The following PRMT3 variants were observed in gnomAD, a reference collection of about 807,000 sequenced individuals.
The protein encoded by PRMT3 is protein arginine methyltransferase 3.
Under a neutral mutation model 71.9 loss-of-function variants are expected in PRMT3, and 62 were observed. That is an observed-to-expected ratio of 0.86 (90% confidence interval 0.70 to 1.07). The LOEUF is 1.07. Among genes scored for constraint, PRMT3 ranks in the 50% least tolerant of loss-of-function variants. The probability of loss-of-function intolerance (pLI) is 0.00; values close to 1 mark genes in which losing one functional copy is unlikely to be tolerated. For missense variants in PRMT3, 663 were observed against 643.0 expected (o/e 1.03, Z -0.34); for synonymous variants, 213 against 220.4 (o/e 0.97, Z 0.30).
chr11:20,388,993 A>ATATATC (rs1175717776), intron 2 of PRMT3, among the ~76,000 whole-genome samples: 1 of 152,214 alleles, frequency 6.6e-6, no homozygotes, highest in Admixed American at 6.5e-5. Flanking sequence ...GGTAGATAGA[A>ATATATC]TGCCTGTATA....
intron 10 of PRMT3, among the ~76,000 whole-genome samples, chr11:20,441,546 A>G (rs577567724): frequency 2.6e-5 from 4 of 151,648 alleles, no homozygotes; most frequent in African/African-American, 9.7e-5. Context: ...TGACCTCGTG[A>G]TCCACCAGCC....
chr11:20,433,905 C>A (rs574171662), intron 10 of PRMT3, among the ~76,000 whole-genome samples: 1 of 152,178 alleles, frequency 6.6e-6, no homozygotes, highest in Non-Finnish European at 1.5e-5. Context: ...TAGGCGTGCA[C>A]CACCACACCT....
chr11:20,502,574 G>T (rs1851483222), intron 15 of PRMT3, among the ~76,000 whole-genome samples: 2 of 152,000 alleles, frequency 1.3e-5, no homozygotes, highest in African/African-American at 4.8e-5. Context: ...AATTCATTTT[G>T]ACTGGGGTTT....
chr11:20,453,822 G>A (rs1344606936), intron 11 of PRMT3, among the ~76,000 whole-genome samples: 1 of 151,948 alleles, frequency 6.6e-6, no homozygotes, highest in Admixed American at 6.6e-5. Context: ...GGGGGGTTTC[G>A]GAGTACAGTC....
chr11:20,462,411 A>G (rs1183931632), intron 12 of PRMT3, among the ~76,000 whole-genome samples: 1 of 152,122 alleles, frequency 6.6e-6, no homozygotes, highest in African/African-American at 2.4e-5. Flanking sequence ...CTAACTCTGA[A>G]CCGGTTGAAT....
chr11:20,390,219 T>G (rs1848683252), intron 3 of PRMT3, among the ~76,000 whole-genome samples: 1 of 152,188 alleles, frequency 6.6e-6, no homozygotes, highest in South Asian at 2.1e-4. Flanking sequence ...CTGTACGAGT[T>G]TAATATGGCG....
rs979222980 is a variant in PRMT3, at chr11:20,397,797, C to T, written c.705+76C>T. On this transcript the variant is annotated intron_variant, in intron 7 of 15. Coordinates refer to ENST00000331079, the MANE Select transcript of PRMT3 (RefSeq NM_005788.4). Reference sequence around the variant, plus strand: ...CAGGTTCTTTCTTAATATATGTGTGCACTATAGGAGACCTCTTTTTTTTGG... The same window carrying T: ...CAGGTTCTTTCTTAATATATGTGTGTACTATAGGAGACCTCTTTTTTTTGG... The T allele has an allele frequency of 1.3e-5, 19 of 1,489,058 alleles. No individual in the cohort carries two copies. In the African/African-American group the frequency reaches 2.4e-4, roughly 19 times the overall value. 92.2% of individuals were successfully genotyped at this position (1,489,058 alleles called of 1,614,324 possible).
At chr11:20,497,471 A>G (rs1193408157) in intron 15 of PRMT3, among the ~76,000 whole-genome samples, 1 of 150,874 alleles carries the variant, frequency 6.6e-6, no homozygotes, top group Non-Finnish European at 1.5e-5. Context: ...CAGTTGGAAA[A>G]ATAGTCATTT....
chr11:20,409,407 G>C (rs181476167), intron 9 of PRMT3, among the ~76,000 whole-genome samples: 1 of 152,100 alleles, frequency 6.6e-6, no homozygotes, highest in Non-Finnish European at 1.5e-5. Context: ...TAAATAATAC[G>C]TATATATAAA....
chr11:20,408,729 G>T (rs74622078), intron 9 of PRMT3, among the ~76,000 whole-genome samples: 4,362 of 152,244 alleles, frequency 0.029, 217 homozygotes, highest in African/African-American at 0.098. Context: ...CAGAATATGT[G>T]ATTAATAGGA....
chr11:20,462,114 G>A lies in PRMT3; in HGVS notation c.1207G>A (p.Val403Ile), dbSNP rs775743161. Residue 403 changes from valine (V) to isoleucine (I), a missense_variant, in exon 12 of 16, where the codon GTT becomes ATT. Coordinates refer to ENST00000331079, the MANE Select transcript of PRMT3 (RefSeq NM_005788.4). ...CMKKAVIPEA[V>I]VEVLDPKTLI... ...GAAGAAAGCAGTTATTCCAGAAGCT[G>A]TTGTGGAAGTTTTAGATCCGAAGAC... The A allele has an allele frequency of 6.4e-5, 104 of 1,612,978 alleles. No individual in the cohort carries two copies. In the Admixed American group the frequency reaches 1.7e-3, roughly 27 times the overall value.
chr11:20,388,718 T>C (rs914390804), intron 2 of PRMT3, among the ~76,000 whole-genome samples: 1 of 152,246 alleles, frequency 6.6e-6, no homozygotes, highest in African/African-American at 2.4e-5. Flanking sequence ...AGTAGGACTT[T>C]TCACTTAAGG....
chr11:20,389,137 G>C (rs1209530249), intron 2 of PRMT3, among the ~76,000 whole-genome samples: 4 of 152,206 alleles, frequency 2.6e-5, no homozygotes, highest in African/African-American at 9.7e-5. Flanking sequence ...TAGGAATATA[G>C]ATAAGGTATA....
At chr11:20,450,877 T>C (rs536943119) in intron 10 of PRMT3, among the ~76,000 whole-genome samples, 4 of 152,342 alleles carry the variant, frequency 2.6e-5, no homozygotes, top group African/African-American at 7.2e-5. Context: ...TGATCATTTA[T>C]TTGTGAACAA....
rs965484710 is a variant in PRMT3, at chr11:20,387,904, C to A, written c.29-115C>A. On this transcript the variant is annotated intron_variant, in intron 1 of 15. Coordinates refer to ENST00000331079, the MANE Select transcript of PRMT3 (RefSeq NM_005788.4). The surrounding 1 kb of genome is among the most constrained non-coding windows in gnomAD (Gnocchi z 4.3). ...GCTCGCAGGGATCATGAAGGAGGTG[C>A]TGAGTGAGGGCCGCGGGCGAACGGG... 72 of 1,558,656 alleles carry A rather than the reference C, an allele frequency of 4.6e-5. No individual in the cohort carries two copies. In the Middle Eastern group the frequency reaches 5.1e-4, roughly 11 times the overall value.
rs1206922686 is a variant in PRMT3 at position 20,494,391 on chromosome 11, A to G, written c.1486+137A>G. Reference sequence around the variant, plus strand: ...TCTCGCTGTCTCACCCAGGCTGGAGAACAGTGATCTCGGCTCACTGCAACC... The same window carrying G: ...TCTCGCTGTCTCACCCAGGCTGGAGGACAGTGATCTCGGCTCACTGCAACC... On this transcript the variant is annotated intron_variant, in intron 15 of 15. Transcript: ENST00000331079. 6.6e-6 allele frequency: 5 copies of G among 754,710 alleles called. No individual in the cohort carries two copies. In the African/African-American group the frequency reaches 8.9e-5, roughly 13 times the overall value. 46.8% of individuals were successfully genotyped at this position (754,710 alleles called of 1,614,324 possible).
At chr11:20,434,036 C>T (rs1425247460) in intron 10 of PRMT3, among the ~76,000 whole-genome samples, 3 of 152,070 alleles carry the variant, frequency 2.0e-5, no homozygotes, top group Admixed American at 6.6e-5. Context: ...CTTGCCAGCA[C>T]CGTTATTTTT....
intron 10 of PRMT3, among the ~76,000 whole-genome samples, chr11:20,441,958 A>C (rs1027995095): frequency 2.6e-5 from 4 of 151,510 alleles, no homozygotes; most frequent in South Asian, 4.2e-4. Context: ...ACGCCCGGCT[A>C]ATTTTTGTAT....
chr11:20,482,411 G>A (rs760060805), intron 13 of PRMT3, among the ~76,000 whole-genome samples: 34 of 152,110 alleles, frequency 2.2e-4, no homozygotes, highest in Non-Finnish European at 4.7e-4. Context: ...AATGTTGAAG[G>A]ACAATAAATT....
Sources: allele counts gnomAD v4.1 joint callset (sites outside exome capture counted in the v4.1 genomes callset), GRCh38; gene constraint gnomAD v4.1.1; non-coding constraint Gnocchi (gnomAD v3.1); transcripts MANE v1.5; gene names NCBI Gene and HGNC (gene_info 2026-07-23, HGNC 2026-07-21).